NUMA1: variants seen among roughly 807,000 people sequenced by gnomAD.
The protein encoded by NUMA1 is SP-H antigen.
A neutral mutation model predicts 237.1 loss-of-function variants in NUMA1; 62 were observed. That is an observed-to-expected ratio of 0.26 (90% CI 0.21 to 0.32). The LOEUF is 0.32. NUMA1 is among the 10% of genes least tolerant of loss of function. The probability of loss-of-function intolerance (pLI) is 1.00; values close to 1 mark genes in which losing one functional copy is unlikely to be tolerated. For synonymous variants in NUMA1, 1,028 were observed against 1,066.1 expected (o/e 0.96, Z 0.70); for missense variants, 2,533 against 2,666.5 (o/e 0.95, Z 1.10).
chr11:72,044,471 C>T (rs975902127), intron 2 of NUMA1, among the ~76,000 whole-genome samples: 1 of 151,976 alleles, frequency 6.6e-6, no homozygotes, highest in African/African-American at 2.4e-5. Flanking sequence ...AGACTGGATC[C>T]TCTGTCTGTC....
intron 1 of NUMA1, among the ~76,000 whole-genome samples, chr11:72,077,890 T>C (rs1943791356): frequency 6.6e-6 from 1 of 150,614 alleles, no homozygotes; most frequent in Non-Finnish European, 1.5e-5. Flanking sequence ...CACTAACAGA[T>C]TCCCACTGGA....
At chr11:72,005,163 C>G in intron 23 of NUMA1, 70 bp downstream of exon 23, 2 of 1,479,290 alleles carry the variant, frequency 1.4e-6, no homozygotes, top group East Asian at 2.5e-5. Context: ...AGTGCTCAGG[C>G]TAGATCAGCA....
At chr11:72,064,923 G>T (rs1943133986) in intron 2 of NUMA1, among the ~76,000 whole-genome samples, 1 of 152,134 alleles carries the variant, frequency 6.6e-6, no homozygotes, top group South Asian at 2.1e-4. Context: ...TAGACAGATA[G>T]ATATATCATA....
At chr11:72,012,652 C>T (rs991862441) in intron 15 of NUMA1, among the ~76,000 whole-genome samples, 2 of 150,396 alleles carry the variant, frequency 1.3e-5, no homozygotes, top group Non-Finnish European at 2.9e-5. Context: ...GGCTGGTGGT[C>T]ATCACAACTT....
Position 72,021,185 on chromosome 11 carries a change from GGAGT to G in NUMA1, c.460+15_460+18del, listed in dbSNP as rs1329613938. ...CATTTCAGAGATGAGGGGATTCTCA[GGAGT>G]GTGTACCTACTTACCTTTCTGTAGG... On this transcript the variant is annotated intron_variant, in intron 8 of 26. Coordinates refer to ENST00000393695, the MANE Select transcript of NUMA1 (RefSeq NM_006185.4). 6.3e-6 allele frequency: 10 copies of G among 1,583,524 alleles called. No homozygotes were observed. Among genetic ancestry groups the G allele is most frequent in the Non-Finnish European group, 7.8e-6 (9 of 1,152,206 alleles).
rs757498427 is a variant in NUMA1, at chr11:72,013,802, A to G, written c.3701T>C (p.Val1234Ala). 3.7e-6 allele frequency: 6 copies of G among 1,609,914 alleles called. No homozygotes were observed. The South Asian group carries it at 6.6e-5, about 18-fold the overall frequency. ...NSLISSLEEE[V>A]SILNRQVLEK... is the part of the protein sequence containing the mutation. ...CAGGACCTGGCGATTCAGGATGGAC[A>G]CCTCCTCCTCCAAGCTGCTGATGAG... The change falls in exon 15 of 27, where the codon GTG becomes GCG. Residue 1234 changes from valine to alanine, a missense_variant. Val to Ala is a moderately conservative substitution (Grantham distance 64). Transcript: ENST00000393695. The surrounding 1 kb of genome is among the most constrained non-coding windows in gnomAD (Gnocchi z 6.8).
intron 5 of NUMA1, 184 bp downstream of exon 5, chr11:72,024,090 A>T: frequency 1.7e-6 from 1 of 583,376 alleles, no homozygotes; most frequent in Non-Finnish European, 3.1e-6. Flanking sequence ...CTCTTCTTAC[A>T]CCAACTGATG....
chr11:72,016,509 C>T lies in NUMA1; in HGVS notation c.1141G>A (p.Glu381Lys), dbSNP rs1365848589. ...TGTGAAAGTTTTCCCTGAAGGATTT[C>T]GTTCTTCTCTTCAAGGCATTTCTGG... ...QDKKCLEEKN[E>K]ILQGKLSQLE... Residue 381 changes from glutamate (E) to lysine (K), a missense_variant, in exon 14 of 27, where the codon GAA (glutamate) becomes AAA (lysine). Transcript: ENST00000393695. 2 of 1,613,984 alleles carry T rather than the reference C, an allele frequency of 1.2e-6. No individual in the cohort carries two copies. The highest frequency in any genetic ancestry group is 1.7e-5 in the Admixed American group (1 of 60,010).
chr11:72,014,393 G>T lies in NUMA1; in HGVS notation c.3110C>A (p.Ala1037Asp). 2 of 1,611,540 alleles carry T rather than the reference G, an allele frequency of 1.2e-6. No individual in the cohort carries two copies. The change falls in exon 15 of 27, where the codon GCC becomes GAC. Residue 1037 changes from alanine to aspartate, a missense_variant. Around this residue, in one of 3 missense-constraint regions of NUMA1, gnomAD observed 1,414 missense variants for 1,508.1 expected, o/e 0.94. Coordinates refer to ENST00000393695, the MANE Select transcript of NUMA1 (RefSeq NM_006185.4). The surrounding 1 kb of genome is among the most constrained non-coding windows in gnomAD (Gnocchi z 4.6). Reference protein sequence around the residue: ...RAELEMRLQNALNEQRVEFAT... With the variant: ...RAELEMRLQNDLNEQRVEFAT... ...GAACTCCACACGCTGCTCGTTGAGG[G>T]CGTTCTGCAGCCGCATCTCAAGCTC...
At chr11:72,066,985 G>A (rs1251462514) in intron 2 of NUMA1, 1 of 152,204 alleles carries the variant, frequency 6.6e-6, no homozygotes, top group African/African-American at 2.4e-5. Context: ...TGAGTGACCA[G>A]CAGAAAATGC....
chr11:72,036,635 C>T (rs969514593), intron 2 of NUMA1, among the ~76,000 whole-genome samples: 1 of 152,190 alleles, frequency 6.6e-6, no homozygotes, highest in Non-Finnish European at 1.5e-5. Context: ...GTCTCACAAA[C>T]ACAGTTCAAA....
At chr11:72,060,067 AACCAG>A (rs1942858900) in intron 2 of NUMA1, among the ~76,000 whole-genome samples, 2 of 152,204 alleles carry the variant, frequency 1.3e-5, no homozygotes, top group South Asian at 4.1e-4. Flanking sequence ...AGAGTGACAC[AACCAG>A]TAAGTCCAGA....
At chr11:72,011,684 G>C (rs921383471) in intron 16 of NUMA1, among the ~76,000 whole-genome samples, 17 of 151,988 alleles carry the variant, frequency 1.1e-4, no homozygotes, top group African/African-American at 4.1e-4. Flanking sequence ...TGGAGAAAGG[G>C]TGCTCTATAG....
chr11:72,007,160 C>T, intron 21 of NUMA1, 29 bp downstream of exon 21: 1 of 1,600,646 alleles, frequency 6.2e-7, no homozygotes, highest in Non-Finnish European at 8.5e-7. Context: ...GGAATTGCTG[C>T]CCTGCAGCCC....
chr11:72,049,032 A>G (rs895084090), intron 2 of NUMA1, among the ~76,000 whole-genome samples: 1 of 151,994 alleles, frequency 6.6e-6, no homozygotes, highest in African/African-American at 2.4e-5. Flanking sequence ...GCAAATCAAA[A>G]CCCAGAGAGG....
At chr11:72,080,325 T>C (rs1368981206) in intron 1 of NUMA1, 133 bp downstream of exon 1, 2 of 122,190 alleles carry the variant, frequency 1.6e-5, no homozygotes, top group South Asian at 3.0e-4. Flanking sequence ...CTTACCCCCA[T>C]AGATTCTGCC....
intron 1 of NUMA1, among the ~76,000 whole-genome samples, chr11:72,072,898 T>C (rs3018308): frequency 0.89 from 134,265 of 151,556 alleles, 59,761 homozygotes; most frequent in Non-Finnish European, 0.95. Context: ...AAAAATTAGC[T>C]GGGCGCGGTG....
At chr11:72,055,959 TACACATAC>T (rs1254063948) in intron 2 of NUMA1, among the ~76,000 whole-genome samples, 1 of 65,160 alleles carries the variant, frequency 1.5e-5, no homozygotes, top group Non-Finnish European at 3.2e-5. Flanking sequence ...CTACTAAAAA[TACACATAC>T]ACACACACAC....
intron 1 of NUMA1, among the ~76,000 whole-genome samples, chr11:72,075,673 T>C (rs887980839): frequency 6.6e-6 from 1 of 152,222 alleles, no homozygotes; most frequent in African/African-American, 2.4e-5. Context: ...TACTTTAATA[T>C]TCCCTTTCTG....
Sources: allele counts gnomAD v4.1 joint callset (sites outside exome capture counted in the v4.1 genomes callset), GRCh38; gene constraint gnomAD v4.1.1; regional missense constraint gnomAD v4.1.1; non-coding constraint Gnocchi (gnomAD v3.1); transcripts MANE v1.5; gene names NCBI Gene and HGNC (gene_info 2026-07-23, HGNC 2026-07-21).